The following NR4A1 variants were observed in gnomAD, a reference collection of about 807,000 sequenced individuals.
NR4A1 encodes the protein nuclear receptor subfamily 4immunitygroup A member 1.
A neutral mutation model predicts 47.5 loss-of-function variants in NR4A1; 24 were observed. The observed-to-expected ratio is 0.50, with a 90% CI of 0.37 to 0.71. The LOEUF is 0.71. Among genes scored for constraint, NR4A1 ranks in the 30% least tolerant of loss-of-function variants. NR4A1 has a pLI of 0.00. For missense variants in NR4A1, 669 were observed against 788.6 expected (o/e 0.85, Z 1.82); for synonymous variants, 353 against 345.7 (o/e 1.02, Z -0.24).
chr12:52,054,425 C>T lies in NR4A1; in HGVS notation c.97C>T (p.Pro33Ser), dbSNP rs1158536122. 1 of 1,613,644 alleles carries T rather than the reference C, an allele frequency of 6.2e-7. No individual in the cohort carries two copies. Among genetic ancestry groups the T allele is most frequent in the East Asian group, 2.2e-5 (1 of 44,898 alleles). ...CCCCCTGACCCCTGAGTTCATCAAG[C>T]CCACCATGGACCTGGCCAGCCCCGA... is the stretch of plus-strand genomic sequence containing the variant. ...SDPLTPEFIK[P>S]TMDLASPEAA... is the part of the protein sequence containing the mutation. The change falls in exon 2 of 7, where the codon CCC (proline) becomes TCC (serine). Residue 33 changes from proline to serine, a missense_variant. Pro to Ser is a moderately conservative substitution (Grantham distance 74). Transcript: ENST00000394825.
rs187715663 is a variant in NR4A1, at chr12:52,058,670, C to T, written c.1541-18C>T. The T allele has an allele frequency of 5.9e-5, 93 of 1,575,446 alleles. No individual in the cohort carries two copies. In the East Asian group the frequency reaches 2.1e-3, roughly 35 times the overall value. On this transcript the variant is annotated intron_variant, in intron 6 of 6. Coordinates refer to ENST00000394825, the MANE Select transcript of NR4A1 (RefSeq NM_173157.3). ...CCTGGTTCTCAGATGTACAGCTAAT[C>T]CTGTACCCTTCCCGCAGACCGGCAT...
chr12:52,058,641 G>A (rs753241699), intron 6 of NR4A1, 47 bp from the exon 7 acceptor site: 1 of 1,488,680 alleles, frequency 6.7e-7, no homozygotes, highest in Non-Finnish European at 9.0e-7. Context: ...TGGGGCTTTG[G>A]GGGCCTGGTT....
chr12:52,054,943 C>T lies in NR4A1; in HGVS notation c.615C>T (p.Ser205=). 1.2e-6 allele frequency: 2 copies of T among 1,614,170 alleles called. No individual in the cohort carries two copies. The highest frequency in any genetic ancestry group is 1.7e-6 in the Non-Finnish European group (2 of 1,180,030). The change falls in exon 2 of 7, where the codon AGC becomes AGT. Residue 205 remains serine, a synonymous_variant. Coordinates refer to ENST00000394825, the MANE Select transcript of NR4A1 (RefSeq NM_173157.3). The stretch of plus-strand genomic sequence containing the variant: ...GCCCCAGCCCCAGCCTGGCCCAGAG[C>T]CCCCTGAAGTTGTTCCCCTCACAGG... ...PTGPSPSLAQ[S]PLKLFPSQAT...
At chr12:52,056,993 C>A in intron 4 of NR4A1, 64 bp from the exon 5 acceptor site, 2 of 1,424,782 alleles carry the variant, frequency 1.4e-6, no homozygotes, top group South Asian at 1.3e-5. Context: ...TCTGACACAG[C>A]CATACGTGGC....
chr12:52,030,383 A>T (rs75524294), intron 1 of NR4A1, among the ~76,000 whole-genome samples: 3,390 of 152,242 alleles, frequency 0.022, 52 homozygotes, highest in African/African-American at 0.05. Flanking sequence ...GCTACTTCTC[A>T]GCTGTGTGAC....
intron 1 of NR4A1, among the ~76,000 whole-genome samples, chr12:52,023,115 C>T (rs1476883604): frequency 1.3e-5 from 2 of 152,208 alleles, no homozygotes; most frequent in Non-Finnish European, 2.9e-5. Context: ...CACGGGTTCC[C>T]GTCTAGACCA....
Position 52,054,567 on chromosome 12 carries a change from C to T in NR4A1, c.239C>T (p.Ser80Leu), listed in dbSNP as rs770878903. ...CCAGGAACAGTCCAGCCATGCTCCT[C>T]AGCCTCCTCCTCGGCCTCCTCCACA... ...QLPGTVQPCS[S>L]ASSSASSTSS... Residue 80 changes from serine (S) to leucine (L), a missense_variant, in exon 2 of 7, where the codon TCA becomes TTA. Coordinates refer to ENST00000394825, the MANE Select transcript of NR4A1 (RefSeq NM_173157.3). The T allele has an allele frequency of 6.2e-7, 1 of 1,614,180 alleles. No individual in the cohort carries two copies. Among genetic ancestry groups the T allele is most frequent in the East Asian group, 2.2e-5 (1 of 44,890 alleles).
At position 52,051,455 on chromosome 12, in the gene NR4A1, G is replaced by C. The variant is rs913080449; in HGVS notation, c.-116G>C. ...GCTCGGCCGGGGAGTCCCAGTGGCG[G>C]AGGCTACGAAACTTGGGGGAGTGCA... On this transcript the variant is annotated 5_prime_UTR_variant, in exon 1 of 7. Coordinates refer to ENST00000394825, the MANE Select transcript of NR4A1 (RefSeq NM_173157.3). 1.6e-5 allele frequency: 16 copies of C among 985,474 alleles called. No individual in the cohort carries two copies. The African/African-American group carries it at 2.8e-4, about 17-fold the overall frequency. The allele number at this position is 985,474 out of a possible 1,614,324, so 61.0% of individuals were successfully genotyped here.
intron 1 of NR4A1, among the ~76,000 whole-genome samples, chr12:52,026,291 G>A (rs1453966469): frequency 6.6e-6 from 1 of 152,178 alleles, no homozygotes; most frequent in East Asian, 1.9e-4. Flanking sequence ...GAGAAGATAA[G>A]GTATTTAAAG....
intron 1 of NR4A1, among the ~76,000 whole-genome samples, chr12:52,041,225 T>C (rs1938422408): frequency 6.6e-6 from 1 of 152,214 alleles, no homozygotes. Context: ...TGATTGTTAA[T>C]TTTACAGATG....
At chr12:52,037,293 C>A in intron 1 of NR4A1, 3 of 827,904 alleles carry the variant, frequency 3.6e-6, no homozygotes, top group Non-Finnish European at 4.4e-6. Flanking sequence ...GAGGTGGCGG[C>A]GGCGGCGGAA....
chr12:52,051,492 C>T lies in NR4A1; in HGVS notation c.-79C>T. On this transcript the variant is annotated 5_prime_UTR_variant, in exon 1 of 7. Coordinates refer to ENST00000394825, the MANE Select transcript of NR4A1 (RefSeq NM_173157.3). ...CTTGGGGGAGTGCACAGAAGAACTTCGGGAGCGCACGCGGGACCAGGGACC... is the reference window on the plus strand; with the variant it reads ...CTTGGGGGAGTGCACAGAAGAACTTTGGGAGCGCACGCGGGACCAGGGACC... 6.1e-6 allele frequency: 6 copies of T among 985,602 alleles called. No individual in the cohort carries two copies. Among genetic ancestry groups the T allele is most frequent in the Non-Finnish European group, 7.2e-6 (6 of 830,058 alleles). The allele number at this position is 985,602 out of a possible 1,614,324, so 61.1% of individuals were successfully genotyped here.
At chr12:52,049,268 G>GA (rs994260589), upstream of NR4A1, among the ~76,000 whole-genome samples, 3 of 152,036 alleles carry the variant, frequency 2.0e-5, no homozygotes, top group Non-Finnish European at 2.9e-5. Flanking sequence ...ATGTTGGATT[G>GA]AAAAAAAATC....
In NR4A1 at chr12:52,055,035, C is replaced by T; in HGVS notation, c.707C>T (p.Thr236Ile). ...ACGGCCTTCCCAGGTTTGGCACCCA[C>T]TTCTCCACACCTTGAGGGCTCGGGG... ...MPTAFPGLAP[T>I]SPHLEGSGIL... The change falls in exon 2 of 7, where the codon ACT (threonine) becomes ATT (isoleucine). Residue 236 changes from threonine to isoleucine, a missense_variant. Coordinates refer to ENST00000394825, the MANE Select transcript of NR4A1 (RefSeq NM_173157.3). 1 of 1,614,266 alleles carries T rather than the reference C, an allele frequency of 6.2e-7. No homozygotes were observed. Among genetic ancestry groups the T allele is most frequent in the South Asian group, 1.1e-5 (1 of 91,088 alleles).
chr12:52,037,631 A>G (rs1336418695), intron 1 of NR4A1: 1 of 985,388 alleles, frequency 1.0e-6, no homozygotes, highest in Non-Finnish European at 1.2e-6. Context: ...GCGACGGCCA[A>G]GGCTTTCTCT....
intron 1 of NR4A1, chr12:52,037,308 C>CG (rs1291314694): frequency 2.1e-6 from 2 of 935,618 alleles, no homozygotes; most frequent in Non-Finnish European, 2.5e-6. Context: ...GCGGAACTGG[C>CG]GGGGGTCCCC....
intron 1 of NR4A1, among the ~76,000 whole-genome samples, chr12:52,025,605 T>C (rs1345187149): frequency 6.6e-6 from 1 of 152,228 alleles, no homozygotes; most frequent in Non-Finnish European, 1.5e-5. Context: ...GCTCTGTTTT[T>C]CTTCATTGCA....
chr12:52,038,737 A>G, intron 1 of NR4A1: 1 of 764,880 alleles, frequency 1.3e-6, no homozygotes, highest in Non-Finnish European at 2.4e-6. Context: ...TAAAATCAAG[A>G]TTCTAATTGA....
chr12:52,056,919 G>A, intron 4 of NR4A1, 138 bp from the exon 5 acceptor site: 6 of 904,354 alleles, frequency 6.6e-6, no homozygotes. Flanking sequence ...TGTGAGACTT[G>A]GCAAGTGAGA....
Sources: gnomAD v4.1 joint callset for allele counts (sites outside exome capture counted in the v4.1 genomes callset) on GRCh38, gnomAD v4.1.1 for gene constraint, MANE v1.5 for transcripts, NCBI Gene and HGNC (gene_info 2026-07-23, HGNC 2026-07-21) for gene names.